Variants in CSMD1 observed in about 807,000 individuals in gnomAD.
CSMD1 encodes the protein CUB and Sushi multiple domains 1, also known as CUB and sushi domain-containing protein 1.
Under a neutral mutation model 417.5 loss-of-function variants are expected in CSMD1, and 213 were observed. The ratio of observed to expected loss-of-function variants is 0.51; its 90% CI spans 0.46 to 0.57. The LOEUF (loss-of-function observed/expected upper bound fraction) is 0.57. Among genes scored for constraint, CSMD1 ranks in the 20% least tolerant of loss-of-function variants. The pLI is 0.00. For missense variants in CSMD1, 6,923 were observed against 4,529.7 expected (o/e 1.53, Z -15.17); for synonymous variants, 2,862 against 1,736.8 (o/e 1.65, Z -16.11).
chr8:3,190,587 G>C (rs7818108), intron 33 of CSMD1, among the ~76,000 whole-genome samples: 61,321 of 151,970 alleles, frequency 0.4, 12,450 homozygotes, highest in South Asian at 0.56. Flanking sequence ...CCATCGTGAT[G>C]TAATAAAAAT....
At chr8:4,607,428 G>C (rs939698765) in intron 2 of CSMD1, among the ~76,000 whole-genome samples, 1 of 152,144 alleles carries the variant, frequency 6.6e-6, no homozygotes, top group African/African-American at 2.4e-5. Flanking sequence ...ACGTGACTAA[G>C]CAAAAGGAAA....
At chr8:4,296,102 G>T (rs112687937) in intron 3 of CSMD1, among the ~76,000 whole-genome samples, 1 of 152,192 alleles carries the variant, frequency 6.6e-6, no homozygotes, top group East Asian at 1.9e-4. Flanking sequence ...CTCTTTGCAA[G>T]GAGAGAAATC....
rs146326504 is a variant in CSMD1 at position 4,098,871 on chromosome 8, C to T, written c.416-66772G>A. Among the ~76,000 whole-genome samples, 14 of 152,240 alleles carry T rather than the reference C, an allele frequency of 9.2e-5. No homozygotes were observed. The East Asian group carries it at 1.3e-3, about 15-fold the overall frequency. On this transcript the variant is annotated intron_variant, in intron 3 of 69. Coordinates refer to ENST00000635120, the MANE Select transcript of CSMD1 (RefSeq NM_033225.6). Reference sequence around the variant, plus strand: ...TCTTGCTCACTCATTCATTTATTCCCGTCCAGAAAGCACTGAGGACCAACT... The same window carrying T: ...TCTTGCTCACTCATTCATTTATTCCTGTCCAGAAAGCACTGAGGACCAACT...
intron 2 of CSMD1, among the ~76,000 whole-genome samples, chr8:4,533,983 C>A (rs1796967466): frequency 6.6e-6 from 1 of 150,464 alleles, no homozygotes; most frequent in Non-Finnish European, 1.5e-5. Context: ...TACAAGAGGG[C>A]AGATTTGTCA....
intron 1 of CSMD1, among the ~76,000 whole-genome samples, chr8:4,934,620 T>G (rs899783561): frequency 6.7e-6 from 1 of 149,264 alleles, no homozygotes; most frequent in Non-Finnish European, 1.5e-5. Flanking sequence ...TATTTTTCAC[T>G]TATCTACCTA....
intron 29 of CSMD1, among the ~76,000 whole-genome samples, chr8:3,216,151 C>T (rs956397058): frequency 2.6e-5 from 4 of 151,554 alleles, no homozygotes; most frequent in Non-Finnish European, 5.9e-5. Context: ...CAAACCAGTG[C>T]TCTCTAATTG....
At chr8:4,922,108 C>A (rs1310750845) in intron 1 of CSMD1, among the ~76,000 whole-genome samples, 1 of 152,182 alleles carries the variant, frequency 6.6e-6, no homozygotes, top group Non-Finnish European at 1.5e-5. Context: ...CAGGAAGTCA[C>A]TCTGGTGAGA....
intron 2 of CSMD1, among the ~76,000 whole-genome samples, chr8:4,458,123 T>G (rs187053927): frequency 2.0e-3 from 299 of 152,318 alleles, no homozygotes; most frequent in Non-Finnish European, 2.4e-3. Context: ...AAACTTTCTG[T>G]GTTTAAATTA....
intron 1 of CSMD1, among the ~76,000 whole-genome samples, chr8:4,733,282 A>G (rs1810019224): frequency 6.6e-6 from 1 of 152,236 alleles, no homozygotes; most frequent in South Asian, 2.1e-4. Context: ...GCAGAAGGAA[A>G]AATAAATGAC....
chr8:3,211,270 C>G (rs1014541122), intron 30 of CSMD1, among the ~76,000 whole-genome samples: 1 of 152,102 alleles, frequency 6.6e-6, no homozygotes, highest in African/African-American at 2.4e-5. Flanking sequence ...GTCTTGAATT[C>G]TGGTCCTCAA....
rs991659319 is a variant in CSMD1 at position 3,521,533 on chromosome 8, T to C, written c.1345-27807A>G. ...TACAATGATCTGCCTGAGTATCTTATCTCATCAGTAAACATAAGTTACTCC... is the reference window on the plus strand; with the variant it reads ...TACAATGATCTGCCTGAGTATCTTACCTCATCAGTAAACATAAGTTACTCC... On this transcript the variant is annotated intron_variant, in intron 10 of 69. Transcript: ENST00000635120. Among the ~76,000 whole-genome samples, 5 of 152,294 alleles carry C rather than the reference T, an allele frequency of 3.3e-5. No homozygotes were observed. The South Asian group carries it at 6.2e-4, about 19-fold the overall frequency.
At chr8:3,474,127 T>C (rs1330520417) in intron 11 of CSMD1, among the ~76,000 whole-genome samples, 1 of 152,132 alleles carries the variant, frequency 6.6e-6, no homozygotes, top group African/African-American at 2.4e-5. Flanking sequence ...TCAATCAGGT[T>C]GGCATGCTCC....
chr8:4,457,339 G>A (rs148863393), intron 2 of CSMD1, among the ~76,000 whole-genome samples: 37 of 152,140 alleles, frequency 2.4e-4, no homozygotes, highest in Middle Eastern at 3.4e-3. Context: ...TTGGGACACC[G>A]GAGAGGGGTT....
rs552844391 is a variant in CSMD1 at position 4,125,476 on chromosome 8, C to G, written c.416-93377G>C. On this transcript the variant is annotated intron_variant, in intron 3 of 69. Transcript: ENST00000635120. ...TCTCCCTAAAATGAATAAAACCAAG[C>G]TGCGCCCCGGCCGCACTGGGTACAC... is the stretch of plus-strand genomic sequence containing the variant. Among the ~76,000 whole-genome samples the G allele has an allele frequency of 6.6e-5, 10 of 152,334 alleles. No homozygotes were observed. In the East Asian group the frequency reaches 7.7e-4, roughly 12 times the overall value.
intron 5 of CSMD1, among the ~76,000 whole-genome samples, chr8:3,915,405 CAAAA>C (rs778981187): frequency 3.9e-5 from 3 of 76,292 alleles, no homozygotes; most frequent in South Asian, 4.9e-4. Context: ...GACTCTGTCT[CAAAA>C]AAAAAAAAAA....
At chr8:3,710,643 C>T (rs907338961) in intron 6 of CSMD1, among the ~76,000 whole-genome samples, 2 of 152,140 alleles carry the variant, frequency 1.3e-5, no homozygotes, top group Admixed American at 1.3e-4. Context: ...GACCATGCCT[C>T]TTGGACTCTA....
At chr8:3,639,933 T>A (rs113097776) in intron 7 of CSMD1, among the ~76,000 whole-genome samples, 1 of 152,208 alleles carries the variant, frequency 6.6e-6, no homozygotes, top group African/African-American at 2.4e-5. Context: ...AAAAGCCAGA[T>A]AAGAAGAGAA....
chr8:3,014,600 A>G (rs966658603), intron 52 of CSMD1, among the ~76,000 whole-genome samples: 1 of 152,144 alleles, frequency 6.6e-6, no homozygotes, highest in Non-Finnish European at 1.5e-5. Flanking sequence ...GTTCTCTTTT[A>G]TAAGCTCCTT....
rs369452712 is a variant in CSMD1 at position 3,000,717 on chromosome 8, A to T, written c.8030-586T>A. Among the ~76,000 whole-genome samples the T allele has an allele frequency of 9.8e-5, 15 of 152,356 alleles. 1 individual carries two copies. In the East Asian group the frequency reaches 1.3e-3, roughly 14 times the overall value. On this transcript the variant is annotated intron_variant, in intron 52 of 69. Transcript: ENST00000635120. ...AAGAGAAGTCTAGAGTTCCAGGGACAGATGTGCTGAAGTTAGCGTGGACTT... is the reference window on the plus strand; with the variant it reads ...AAGAGAAGTCTAGAGTTCCAGGGACTGATGTGCTGAAGTTAGCGTGGACTT...
Sources: allele counts gnomAD v4.1 joint callset (sites outside exome capture counted in the v4.1 genomes callset), GRCh38; gene constraint gnomAD v4.1.1; transcripts MANE v1.5; gene names NCBI Gene and HGNC (gene_info 2026-07-23, HGNC 2026-07-21).